ZNF829: variants seen among roughly 807,000 people sequenced by gnomAD.
The protein encoded by ZNF829 is zinc finger protein 829.
In ZNF829, 25 loss-of-function variants were observed where a neutral mutation model predicts 35.2. The ratio of observed to expected loss-of-function variants is 0.71; its 90% CI spans 0.52 to 0.99. The LOEUF is 0.99. ZNF829 is among the 50% of genes least tolerant of loss of function. ZNF829 has a pLI of 0.00. For missense variants in ZNF829, 417 were observed against 515.3 expected, an observed-to-expected ratio of 0.81 and a Z score of 1.85; for synonymous variants, 136 against 163.2, an observed-to-expected ratio of 0.83 and a Z score of 1.27.
intron 5 of ZNF829, among the ~76,000 whole-genome samples, chr19:36,895,153 A>C (rs1268528184): frequency 6.6e-6 from 1 of 152,180 alleles, no homozygotes; most frequent in Non-Finnish European, 1.5e-5. Flanking sequence ...CCATGCCAGG[A>C]AAGAATGGGA....
intron 5 of ZNF829, chr19:36,893,007 C>CA (rs1417722133): frequency 2.4e-6 from 1 of 410,198 alleles, no homozygotes; most frequent in African/African-American, 2.0e-5. Context: ...TAATTATATA[C>CA]ACGTTCATAA....
intron 3 of ZNF829, among the ~76,000 whole-genome samples, chr19:36,911,876 G>T (rs75080963): frequency 0.014 from 2,082 of 152,290 alleles, 17 homozygotes; most frequent in African/African-American, 0.024. Flanking sequence ...GATGTCATAA[G>T]TAGCCATTTC....
chr19:36,908,677 C>G (rs1029430978), intron 3 of ZNF829, among the ~76,000 whole-genome samples: 3 of 152,156 alleles, frequency 2.0e-5, no homozygotes, highest in African/African-American at 7.2e-5. Flanking sequence ...CTTCCCCCTC[C>G]CCGCTTTCCC....
intron 5 of ZNF829, among the ~76,000 whole-genome samples, chr19:36,896,611 G>A (rs1162306132): frequency 1.3e-5 from 2 of 152,244 alleles, no homozygotes; most frequent in East Asian, 3.9e-4. Context: ...CTGGATATTA[G>A]ACCAAATGGA....
At chr19:36,912,262 A>G (rs767079628) in intron 3 of ZNF829, among the ~76,000 whole-genome samples, 4 of 152,226 alleles carry the variant, frequency 2.6e-5, no homozygotes, top group Non-Finnish European at 5.9e-5. Context: ...TAGTAAAATG[A>G]GACTAGATTT....
At chr19:36,910,256 T>G (rs1387167191) in intron 3 of ZNF829, among the ~76,000 whole-genome samples, 1 of 152,082 alleles carries the variant, frequency 6.6e-6, no homozygotes, top group Non-Finnish European at 1.5e-5. Context: ...AGCTAATTTT[T>G]GTATTTTTAG....
rs771261194 is a variant in ZNF829 at position 36,907,960 on chromosome 19, A to G, written c.288T>C (p.Val96=). The G allele has an allele frequency of 6.2e-7, 1 of 1,614,044 alleles. No individual in the cohort carries two copies. Among genetic ancestry groups the G allele is most frequent in the Non-Finnish European group, 8.5e-7 (1 of 1,179,972 alleles). ...ACAGGCCTCTAGTCAGCTCTCTATCAACCATCCAGGGCTCTTTTCCTTGTT... is the reference window on the plus strand; with the variant it reads ...ACAGGCCTCTAGTCAGCTCTCTATCGACCATCCAGGGCTCTTTTCCTTGTT... ...LLEQGKEPWM[V]DRELTRGLCS... is the part of the protein sequence containing the mutation. Residue 96 remains valine (V), a synonymous_variant, in exon 5 of 6, where the codon GTT becomes GTC. Transcript: ENST00000391711.
At chr19:36,900,143 T>TAA (rs200552770) in intron 5 of ZNF829, among the ~76,000 whole-genome samples, 1,288 of 90,654 alleles carry the variant, frequency 0.014, 32 homozygotes, top group African/African-American at 0.058. Flanking sequence ...CTGTCTCTAC[T>TAA]AAACACACAC....
Position 36,902,975 on chromosome 19 carries a change from G to A in ZNF829, c.319+4954C>T, listed in dbSNP as rs370949012. On this transcript the variant is annotated intron_variant, in intron 5 of 5. Coordinates refer to ENST00000391711, the MANE Select transcript of ZNF829 (RefSeq NM_001037232.4). Reference sequence around the variant, plus strand: ...CGCTTGAACCCGGGAGGCGGAGGTTGTAGTGAGCCGAGATCACGCCATTGC... The same window carrying A: ...CGCTTGAACCCGGGAGGCGGAGGTTATAGTGAGCCGAGATCACGCCATTGC... Among the ~76,000 whole-genome samples, 200 of 152,238 alleles carry A rather than the reference G, an allele frequency of 1.3e-3. 1 individual carries two copies. The highest frequency in any genetic ancestry group is 7.9e-3 in the South Asian group (38 of 4,824).
chr19:36,911,560 G>T (rs1369922389), intron 3 of ZNF829, among the ~76,000 whole-genome samples: 1 of 152,028 alleles, frequency 6.6e-6, no homozygotes, highest in Admixed American at 6.6e-5. Flanking sequence ...TCAGAATTCA[G>T]TTAAACTATA....
chr19:36,902,918 C>T (rs1471617586), intron 5 of ZNF829, among the ~76,000 whole-genome samples: 1 of 152,016 alleles, frequency 6.6e-6, no homozygotes, highest in East Asian at 2.0e-4. Context: ...CGCCTGTAAT[C>T]CCAGCTACTT....
Position 36,891,213 on chromosome 19 carries a change from G to T in ZNF829, c.*279C>A. 3.2e-6 allele frequency: 1 copy of T among 313,792 alleles called. No individual in the cohort carries two copies. Among genetic ancestry groups the T allele is most frequent in the Non-Finnish European group, 5.8e-6 (1 of 172,946 alleles). The allele number at this position is 313,792 out of a possible 1,614,324, so 19.4% of individuals were successfully genotyped here. A position where few individuals can be genotyped will look rare whatever the true frequency, so the allele number is the denominator to read the frequency against. ...TGCCAAGGACTGCCAGCTGTTAACA[G>T]AGGTTAGGAAAAAGGCATAGAACAG... On this transcript the variant is annotated 3_prime_UTR_variant, in exon 6 of 6. Transcript: ENST00000391711.
chr19:36,894,013 T>C (rs2073087996), intron 5 of ZNF829, among the ~76,000 whole-genome samples: 1 of 152,190 alleles, frequency 6.6e-6, no homozygotes, highest in Admixed American at 6.5e-5. Flanking sequence ...CCCCAGTCCT[T>C]CAAGCACCTC....
At chr19:36,907,217 A>T (rs979755134) in intron 5 of ZNF829, 1 of 152,006 alleles carries the variant, frequency 6.6e-6, no homozygotes, top group Non-Finnish European at 1.5e-5. Flanking sequence ...TGTCACATAA[A>T]CATAATGTTG....
rs1253648449 is a variant in ZNF829, at chr19:36,889,498, A to G, written c.*1994T>C. 2 of 151,914 alleles carry G rather than the reference A, an allele frequency of 1.3e-5. No individual in the cohort carries two copies. Among genetic ancestry groups the G allele is most frequent in the African/African-American group, 2.4e-5 (1 of 41,354 alleles). 9.4% of individuals were successfully genotyped at this position (151,914 alleles called of 1,614,324 possible). A position where few individuals can be genotyped will look rare whatever the true frequency, so the allele number is the denominator to read the frequency against. ...ACTCAGTAGTCTGTTGAGGATTCCT[A>G]TTTCTCCCTGGTTCAATCTTGGAAG... On this transcript the variant is annotated 3_prime_UTR_variant, in exon 6 of 6. Transcript: ENST00000391711.
chr19:36,910,040 G>A (rs965208998), intron 3 of ZNF829, among the ~76,000 whole-genome samples: 1 of 151,926 alleles, frequency 6.6e-6, no homozygotes, highest in Admixed American at 6.6e-5. Context: ...TTGGGTTAGT[G>A]GGACAATGCC....
chr19:36,907,087 C>CAAAAAAAAA (rs1158970593), intron 5 of ZNF829: 3 of 23,724 alleles, frequency 1.3e-4, no homozygotes, highest in Admixed American at 5.6e-4. Context: ...GACTCCATCT[C>CAAAAAAAAA]AAAAAAAAAA....
chr19:36,913,101 T>TA (rs1475104657), intron 3 of ZNF829: 2 of 152,212 alleles, frequency 1.3e-5, no homozygotes, highest in Admixed American at 6.5e-5. Context: ...GAAGTGTAAC[T>TA]AGAGACTGAT....
Position 36,892,206 on chromosome 19 carries a change from A to G in ZNF829, c.585T>C (p.Arg195=), listed in dbSNP as rs1405176638. The G allele has an allele frequency of 1.9e-6, 3 of 1,614,178 alleles. No homozygotes were observed. Among genetic ancestry groups the G allele is most frequent in the Non-Finnish European group, 2.5e-6 (3 of 1,180,038 alleles). The change falls in exon 6 of 6, where the codon CGT becomes CGC. Residue 195 remains arginine (R), a synonymous_variant. Transcript: ENST00000391711. ...ESKEYGKSFS[R]GSLVTRHQRI... is the part of the protein sequence containing the mutation. ...TCTGATGTCGAGTAACGAGTGAGCCACGACTAAAGGACTTCCCATACTCCT... is the reference window on the plus strand; with the variant it reads ...TCTGATGTCGAGTAACGAGTGAGCCGCGACTAAAGGACTTCCCATACTCCT...
Sources: allele counts gnomAD v4.1 joint callset (sites outside exome capture counted in the v4.1 genomes callset), GRCh38; gene constraint gnomAD v4.1.1; transcripts MANE v1.5; gene names NCBI Gene and HGNC (gene_info 2026-07-23, HGNC 2026-07-21).